The following PACRG variants were observed in gnomAD, a reference collection of about 807,000 sequenced individuals.
PACRG encodes the protein parkin coregulated gene protein.
Under a neutral mutation model 29.7 loss-of-function variants are expected in PACRG, and 29 were observed. The ratio of observed to expected loss-of-function variants is 0.98; its 90% CI spans 0.73 to 1.33. The LOEUF (loss-of-function observed/expected upper bound fraction) is 1.33, where lower values mean the gene tolerates loss of function less well. Ranked by LOEUF, PACRG falls within the 40% of genes most tolerant of loss-of-function variation. The pLI is 0.00. For missense variants in PACRG, 279 were observed against 316.2 expected (o/e 0.88, Z 0.89); for synonymous variants, 116 against 118.7 (o/e 0.98, Z 0.15).
intron 2 of PACRG, among the ~76,000 whole-genome samples, chr6:162,828,407 T>C (rs574553539): frequency 1.3e-5 from 2 of 152,346 alleles, no homozygotes; most frequent in South Asian, 4.1e-4. Flanking sequence ...TGCTGTCCAA[T>C]TGGTGCTCAT....
intron 4 of PACRG, among the ~76,000 whole-genome samples, chr6:163,232,447 G>A (rs1243928412): frequency 6.6e-6 from 1 of 152,092 alleles, no homozygotes; most frequent in Non-Finnish European, 1.5e-5. Context: ...GAAGGGAAGG[G>A]AAAAGGAAGA....
chr6:163,152,399 G>A (rs1778134026), intron 4 of PACRG, among the ~76,000 whole-genome samples: 1 of 152,156 alleles, frequency 6.6e-6, no homozygotes, highest in South Asian at 2.1e-4. Context: ...TTGTTCTAAT[G>A]TAACATAAAT....
intron 2 of PACRG, among the ~76,000 whole-genome samples, chr6:163,012,826 G>T (rs939466658): frequency 6.6e-6 from 1 of 152,164 alleles, no homozygotes; most frequent in Non-Finnish European, 1.5e-5. Flanking sequence ...CCTTTTGAAC[G>T]CACAACACAC....
intron 2 of PACRG, among the ~76,000 whole-genome samples, chr6:162,984,492 G>A (rs9458703): frequency 0.04 from 6,016 of 152,126 alleles, 387 homozygotes; most frequent in African/African-American, 0.13. Context: ...GCATGTGCAA[G>A]TATCTTTTTT....
chr6:162,753,012 C>T (rs1781626495), intron 1 of PACRG, among the ~76,000 whole-genome samples: 1 of 151,912 alleles, frequency 6.6e-6, no homozygotes, highest in African/African-American at 2.4e-5. Flanking sequence ...ATTTTGGGGG[C>T]ACAATGTGAT....
chr6:162,750,932 G>T (rs1584236863), intron 1 of PACRG, among the ~76,000 whole-genome samples: 1 of 152,154 alleles, frequency 6.6e-6, no homozygotes, highest in African/African-American at 2.4e-5. Context: ...GTGGTCGTGA[G>T]TTACGTGCTC....
At chr6:162,979,643 A>G (rs1261931587) in intron 2 of PACRG, among the ~76,000 whole-genome samples, 1 of 152,172 alleles carries the variant, frequency 6.6e-6, no homozygotes, top group African/African-American at 2.4e-5. Flanking sequence ...CTAATAAATT[A>G]CAATTATGTT....
In PACRG at chr6:162,846,522, A is replaced by G. The variant is rs189530457; in HGVS notation, c.291+32241A>G. ...CCATAGCCAAACCATCACCAGGCCA[A>G]ATGAATTTGGTCTCTCCCATCTCTC... On this transcript the variant is annotated intron_variant, in intron 2 of 4. Coordinates refer to ENST00000366888, the MANE Select transcript of PACRG (RefSeq NM_001080379.2). Among the ~76,000 whole-genome samples, 124 of 152,238 alleles carry G rather than the reference A, an allele frequency of 8.1e-4. No individual in the cohort carries two copies. In the East Asian group the frequency reaches 0.011, roughly 14 times the overall value.
At chr6:162,914,969 T>C (rs888966325) in intron 2 of PACRG, among the ~76,000 whole-genome samples, 1 of 152,006 alleles carries the variant, frequency 6.6e-6, no homozygotes, top group African/African-American at 2.4e-5. Context: ...CAATAAAATA[T>C]CTGAGATAGG....
At position 162,759,341 on chromosome 6, in the gene PACRG, A is replaced by G. The variant is rs573091017; in HGVS notation, c.156+30950A>G. Among the ~76,000 whole-genome samples the G allele has an allele frequency of 3.3e-5, 5 of 152,260 alleles. No individual in the cohort carries two copies. In the East Asian group the frequency reaches 9.7e-4, roughly 29 times the overall value. ...CTAGAATTTTGGCATCTGAAAGTAC[A>G]TCTATGTGAGCCGTGGCTCACATAA... On this transcript the variant is annotated intron_variant, in intron 1 of 4. Coordinates refer to ENST00000366888, the MANE Select transcript of PACRG (RefSeq NM_001080379.2).
intron 2 of PACRG, among the ~76,000 whole-genome samples, chr6:162,844,979 C>T (rs1468230663): frequency 1.3e-5 from 2 of 151,690 alleles, no homozygotes; most frequent in African/African-American, 4.8e-5. Flanking sequence ...TGTGAGTCTG[C>T]CTAGTATTAG....
At chr6:163,060,080 A>T (rs550013178) in intron 2 of PACRG, among the ~76,000 whole-genome samples, 32 of 152,216 alleles carry the variant, frequency 2.1e-4, no homozygotes, top group Non-Finnish European at 4.6e-4. Flanking sequence ...AAACTACAAA[A>T]TACAAAGAAA....
intron 1 of PACRG, among the ~76,000 whole-genome samples, chr6:162,741,418 C>T (rs59623074): frequency 0.058 from 8,898 of 152,186 alleles, 837 homozygotes; most frequent in African/African-American, 0.2. Context: ...CATTTTGGCT[C>T]TTGGTGAGGG....
At chr6:162,951,676 T>C (rs1379801497) in intron 2 of PACRG, among the ~76,000 whole-genome samples, 1 of 152,248 alleles carries the variant, frequency 6.6e-6, no homozygotes, top group East Asian at 1.9e-4. Flanking sequence ...GTTTTGTCTT[T>C]CAGCTGGGGG....
intron 4 of PACRG, among the ~76,000 whole-genome samples, chr6:163,203,345 GGAGGTTGCAGTGAGCC>G (rs1426260354): frequency 6.6e-6 from 1 of 152,108 alleles, no homozygotes; most frequent in African/African-American, 2.4e-5. Context: ...CCCAGGAGGC[GGAGGTTGCAGTGAGCC>G]GAGATTGCGC....
rs561186342 is a variant in PACRG at position 163,092,451 on chromosome 6, A to T, written c.613+3043A>T. 2.0e-3 allele frequency among the ~76,000 whole-genome samples: 301 copies of T among 152,318 alleles called. 2 individuals carry two copies. The highest frequency in any genetic ancestry group is 9.8e-3 in the East Asian group (51 of 5,184). On this transcript the variant is annotated intron_variant, in intron 4 of 4. Transcript: ENST00000366888. ...GAAAACTTAGAGCCAGCCCCACTAG[A>T]TCATTCTTGTTCTAGCAGAGAAAGT...
intron 4 of PACRG, among the ~76,000 whole-genome samples, chr6:163,159,885 G>A (rs1319238086): frequency 4.6e-5 from 7 of 151,882 alleles, no homozygotes; most frequent in East Asian, 1.9e-4. Context: ...TCCTCATTCC[G>A]CCTCCACCCC....
At chr6:163,134,115 G>A (rs1288870892) in intron 4 of PACRG, among the ~76,000 whole-genome samples, 2 of 152,294 alleles carry the variant, frequency 1.3e-5, no homozygotes, top group Admixed American at 1.3e-4. Context: ...GAATGGAAAG[G>A]GAAAGAACTA....
At chr6:162,844,228 T>A (rs1474461841) in intron 2 of PACRG, among the ~76,000 whole-genome samples, 1 of 151,676 alleles carries the variant, frequency 6.6e-6, no homozygotes. Flanking sequence ...GATCTCAGAC[T>A]GCTGTGCTAG....
Sources: gnomAD v4.1 joint callset for allele counts (sites outside exome capture counted in the v4.1 genomes callset) on GRCh38, gnomAD v4.1.1 for gene constraint, MANE v1.5 for transcripts, NCBI Gene and HGNC (gene_info 2026-07-23, HGNC 2026-07-21) for gene names.